PDE1A: variants seen among roughly 807,000 people sequenced by gnomAD.
PDE1A encodes the protein dual specificity calcium/calmodulin-dependent 3',5'-cyclic nucleotide phosphodiesterase 1A.
In PDE1A, 35 loss-of-function variants were observed where a neutral mutation model predicts 61.7. The observed-to-expected ratio is 0.57, with a 90% confidence interval of 0.43 to 0.75. The LOEUF is 0.75. PDE1A is among the 30% of genes least tolerant of loss of function. The pLI is 0.00. For missense variants in PDE1A, 597 were observed against 630.6 expected (o/e 0.95, Z 0.57); for synonymous variants, 232 against 213.2 (o/e 1.09, Z -0.77).
intron 1 of PDE1A, among the ~76,000 whole-genome samples, chr2:182,278,837 G>A (rs911023974): frequency 2.0e-5 from 3 of 151,992 alleles, no homozygotes; most frequent in African/African-American, 7.2e-5. Flanking sequence ...CCAAGAATAT[G>A]TGAAGTTCTT....
chr2:182,325,644 G>A lies in PDE1A; in HGVS notation c.54-61230C>T, dbSNP rs201855415. The stretch of plus-strand genomic sequence containing the variant: ...CACCAAAATAAAAACCCAGCTGGGC[G>A]TGCTGCCTCACGTCTGTAATCCCAG... On this transcript the variant is annotated intron_variant, in intron 1 of 13. Coordinates refer to ENST00000351439, the Ensembl canonical transcript of PDE1A. Among the ~76,000 whole-genome samples, 4 of 152,266 alleles carry A rather than the reference G, an allele frequency of 2.6e-5. No homozygotes were observed. The East Asian group carries it at 5.8e-4, about 22-fold the overall frequency.
chr2:182,678,583 A>G, the PDE1A span, among the ~76,000 whole-genome samples: 14 of 152,218 alleles, frequency 9.2e-5, no homozygotes, highest in Non-Finnish European at 1.8e-4. Context: ...ACTACAAACA[A>G]TAAGATTTCA....
At chr2:182,683,310 C>G in the PDE1A span, among the ~76,000 whole-genome samples, 2 of 152,006 alleles carry the variant, frequency 1.3e-5, no homozygotes, top group East Asian at 1.9e-4. Context: ...AACTCCTGAC[C>G]TCATGATCCA....
chr2:182,228,827 T>C (rs1689340847), intron 6 of PDE1A, among the ~76,000 whole-genome samples: 1 of 152,172 alleles, frequency 6.6e-6, no homozygotes, highest in Non-Finnish European at 1.5e-5. Context: ...AATTAATGGA[T>C]GAGTAAAGAG....
chr2:182,503,116 T>C (rs1689194837), intron 2 of PDE1A, among the ~76,000 whole-genome samples: 1 of 151,074 alleles, frequency 6.6e-6, no homozygotes, highest in African/African-American at 2.4e-5. Context: ...TTCCATCCTT[T>C]AACCCCATAT....
chr2:182,648,511 C>CAAAAAA, the PDE1A span, among the ~76,000 whole-genome samples: 8 of 76,206 alleles, frequency 1.0e-4, no homozygotes, highest in South Asian at 4.6e-4. Context: ...CCTGTCCCCA[C>CAAAAAA]AAAAAAAAAA....
At chr2:182,194,864 G>T (rs868810279) in intron 10 of PDE1A, among the ~76,000 whole-genome samples, 50 of 143,752 alleles carry the variant, frequency 3.5e-4, no homozygotes, top group African/African-American at 1.3e-3. Context: ...AAATTTCTCT[G>T]CATTTTTCTG....
intron 2 of PDE1A, among the ~76,000 whole-genome samples, chr2:182,458,249 A>G (rs1376207140): frequency 1.3e-5 from 2 of 152,114 alleles, no homozygotes; most frequent in Admixed American, 6.6e-5. Context: ...ACTAACCCCA[A>G]TCTGTAACAA....
chr2:182,461,397 C>T (rs4666582), intron 2 of PDE1A, among the ~76,000 whole-genome samples: 27,828 of 152,086 alleles, frequency 0.18, 3,079 homozygotes, highest in Middle Eastern at 0.35. Flanking sequence ...GATCCACCTA[C>T]ACAGTTTTAC....
chr2:182,482,409 T>G (rs1687758958), intron 2 of PDE1A, among the ~76,000 whole-genome samples: 1 of 151,634 alleles, frequency 6.6e-6, no homozygotes, highest in African/African-American at 2.4e-5. Flanking sequence ...TTTTCATTTG[T>G]CAAAAAAAGA....
the PDE1A span, among the ~76,000 whole-genome samples, chr2:182,618,777 A>T: frequency 6.6e-6 from 1 of 152,196 alleles, no homozygotes; most frequent in South Asian, 2.1e-4. Context: ...ACAGATTGTG[A>T]GTTTCATGAG....
chr2:182,704,016 C>T, the PDE1A span, among the ~76,000 whole-genome samples: 15 of 149,154 alleles, frequency 1.0e-4, no homozygotes, highest in Middle Eastern at 3.2e-3. Context: ...GCCTGGCCAA[C>T]ATGGTGAAAC....
intron 1 of PDE1A, among the ~76,000 whole-genome samples, chr2:182,364,401 T>C (rs563401698): frequency 7.0e-6 from 1 of 142,960 alleles, no homozygotes; most frequent in South Asian, 2.2e-4. Context: ...TCTTAAACTC[T>C]ATCAATTTTA....
chr2:182,344,777 G>A (rs1004064610), intron 1 of PDE1A, among the ~76,000 whole-genome samples: 4 of 151,282 alleles, frequency 2.6e-5, no homozygotes, highest in African/African-American at 9.7e-5. Context: ...CACATACACA[G>A]TGTGCTCACA....
rs117645735 is a variant in PDE1A at position 182,150,880 on chromosome 2, C to T, written c.1517-3728G>A. On this transcript the variant is annotated intron_variant, in intron 13 of 13. Transcript: ENST00000409365. Reference sequence around the variant, plus strand: ...TGTGAATAAGACTTGCAGGGAATTACACCAAACACACTATCAAGTGGATAT... The same window carrying T: ...TGTGAATAAGACTTGCAGGGAATTATACCAAACACACTATCAAGTGGATAT... Among the ~76,000 whole-genome samples, 106 of 152,292 alleles carry T rather than the reference C, an allele frequency of 7.0e-4. 2 individuals carry two copies. The East Asian group carries it at 0.019, about 28-fold the overall frequency.
chr2:182,498,866 C>T (rs901868467), intron 2 of PDE1A, among the ~76,000 whole-genome samples: 3 of 152,104 alleles, frequency 2.0e-5, no homozygotes, highest in Admixed American at 6.5e-5. Context: ...ATGGCGTGAA[C>T]CCGGAAGGCG....
intron 1 of PDE1A, among the ~76,000 whole-genome samples, chr2:182,344,735 CTG>C (rs767885258): frequency 2.0e-4 from 22 of 111,580 alleles, no homozygotes; most frequent in African/African-American, 6.7e-4. Flanking sequence ...CTCTGTCTCT[CTG>C]TCTCTCTCTC....
At chr2:182,162,624 T>C (rs1456246430) in intron 13 of PDE1A, among the ~76,000 whole-genome samples, 1 of 152,130 alleles carries the variant, frequency 6.6e-6, no homozygotes, top group African/African-American at 2.4e-5. Context: ...ATCTTTCTCT[T>C]ATACTTCCCC....
chr2:182,474,845 G>T (rs1049080737), intron 2 of PDE1A, among the ~76,000 whole-genome samples: 1 of 151,772 alleles, frequency 6.6e-6, no homozygotes, highest in African/African-American at 2.4e-5. Context: ...AGACAACATA[G>T]AATTCCAACA....
Sources: allele counts gnomAD v4.1 joint callset (sites outside exome capture counted in the v4.1 genomes callset), GRCh38; gene constraint gnomAD v4.1.1; transcripts MANE v1.5; gene names NCBI Gene and HGNC (gene_info 2026-07-23, HGNC 2026-07-21).